Variants in LIPC observed in about 807,000 individuals in gnomAD.
The protein encoded by LIPC is lipase C, hepatic type.
In LIPC, 44 loss-of-function variants were observed where a neutral mutation model predicts 50.7. The observed-to-expected ratio is 0.87, with a 90% confidence interval of 0.68 to 1.11. LIPC has a LOEUF of 1.11. Among genes scored for constraint, LIPC ranks in the 50% most tolerant of loss-of-function variants. The pLI, the probability that LIPC is intolerant of heterozygous loss-of-function variation, is 0.00. For missense variants in LIPC, 697 were observed against 648.2 expected (o/e 1.08, Z -0.82); for synonymous variants, 271 against 256.4 (o/e 1.06, Z -0.54).
At chr15:58,508,523 G>T (rs1258766875) in intron 1 of LIPC, among the ~76,000 whole-genome samples, 1 of 152,090 alleles carries the variant, frequency 6.6e-6, no homozygotes, top group Non-Finnish European at 1.5e-5. Context: ...TTTCCTAGCT[G>T]GTTCTTTTCC....
intron 1 of LIPC, among the ~76,000 whole-genome samples, chr15:58,491,686 T>A (rs1241837811): frequency 6.6e-6 from 1 of 152,180 alleles, no homozygotes; most frequent in African/African-American, 2.4e-5. Flanking sequence ...TTTTATTCAG[T>A]GTGTGGTAAA....
In LIPC at chr15:58,486,668, G is replaced by A. The variant is rs183016521; in HGVS notation, c.89-51665G>A. On this transcript the variant is annotated intron_variant, in intron 1 of 8. Transcript: ENST00000299022. ...ATTAGAGAGGGGAGGCAACGCAGGC[G>A]GAGGACATCTACCAATGCAGCACAT... is the stretch of plus-strand genomic sequence containing the variant. 4.5e-4 allele frequency among the ~76,000 whole-genome samples: 69 copies of A among 152,280 alleles called. No homozygotes were observed. In the South Asian group the frequency reaches 9.8e-3, roughly 22 times the overall value.
chr15:58,472,270 CAAAAAA>C (rs35901617), intron 1 of LIPC, among the ~76,000 whole-genome samples: 28 of 87,640 alleles, frequency 3.2e-4, no homozygotes, highest in East Asian at 2.4e-3. Flanking sequence ...CATTTGGTCT[CAAAAAA>C]AAAAAAAAAA....
chr15:58,542,388 A>C (rs1893361551), intron 3 of LIPC, 146 bp from the exon 4 acceptor site: 2 of 734,690 alleles, frequency 2.7e-6, no homozygotes, highest in Non-Finnish European at 5.0e-6. Context: ...GCCAGTTGAG[A>C]GATTAGTTTC....
intron 1 of LIPC, among the ~76,000 whole-genome samples, chr15:58,511,922 G>A (rs1892341172): frequency 6.6e-6 from 1 of 151,920 alleles, no homozygotes; most frequent in Non-Finnish European, 1.5e-5. Context: ...TATAAAATCA[G>A]GATTCTAAAT....
At chr15:58,503,618 A>G (rs1412461732) in intron 1 of LIPC, among the ~76,000 whole-genome samples, 2 of 152,080 alleles carry the variant, frequency 1.3e-5, no homozygotes, top group African/African-American at 2.4e-5. Context: ...CAATTCACCA[A>G]CTCACTCCAG....
intron 1 of LIPC, among the ~76,000 whole-genome samples, chr15:58,459,919 G>A (rs1430858644): frequency 6.6e-6 from 1 of 152,232 alleles, no homozygotes. Flanking sequence ...AGATCAGAAC[G>A]GTAGCCAGTT....
intron 1 of LIPC, among the ~76,000 whole-genome samples, chr15:58,503,788 C>T (rs1004941732): frequency 6.6e-6 from 1 of 152,176 alleles, no homozygotes; most frequent in East Asian, 1.9e-4. Context: ...CACCTGGACA[C>T]AGCAGTGGCA....
At position 58,548,481 on chromosome 15, in the gene LIPC, CT is replaced by C. The variant is rs1437441127; in HGVS notation, c.961del (p.Cys321AlafsTer22). The C allele has an allele frequency of 6.2e-7, 1 of 1,611,124 alleles. No homozygotes were observed. Reference protein sequence around the residue: ...GLCLSCKKGRCNTLGYHVRQE... With the variant: ...GLCLSCKKGRXNTLGYHVRQE... ...TGTGCCTGAGCTGCAAGAAGGGCCG[CT>C]GCAACACGCTGGGCTACCACGTCCG... On this transcript the variant is annotated frameshift_variant, in exon 6 of 9. Coordinates refer to ENST00000299022, the MANE Select transcript of LIPC (RefSeq NM_000236.3). LOFTEE classifies it high-confidence loss of function.
chr15:58,528,510 G>A (rs533198417), intron 1 of LIPC, among the ~76,000 whole-genome samples: 9 of 152,278 alleles, frequency 5.9e-5, no homozygotes, highest in African/African-American at 1.4e-4. Context: ...TCCAGAGCTC[G>A]GTGCCTTTTT....
intron 1 of LIPC, chr15:58,533,100 C>T (rs1165652544): frequency 1.1e-6 from 1 of 928,218 alleles, no homozygotes; most frequent in African/African-American, 1.8e-5. Flanking sequence ...AATATTCCTC[C>T]TCCTAAAACC....
chr15:58,458,528 A>G lies in LIPC; in HGVS notation c.88+26408A>G, dbSNP rs192941979. ...ACATTTAGAATGACACCACCCAAAG[A>G]ATAAGTCTTACTTGAGGCTTTGCAA... On this transcript the variant is annotated intron_variant, in intron 1 of 8. Coordinates refer to ENST00000299022, the MANE Select transcript of LIPC (RefSeq NM_000236.3). Among the ~76,000 whole-genome samples the G allele has an allele frequency of 2.2e-4, 34 of 152,356 alleles. No homozygotes were observed. In the East Asian group the frequency reaches 5.8e-3, roughly 26 times the overall value.
intron 1 of LIPC, among the ~76,000 whole-genome samples, chr15:58,513,584 G>A (rs921481733): frequency 6.6e-6 from 1 of 152,168 alleles, no homozygotes; most frequent in Non-Finnish European, 1.5e-5. Flanking sequence ...AGAATCAAAG[G>A]TGATGGGAGG....
At chr15:58,554,554 CT>C (rs60984824) in intron 6 of LIPC, among the ~76,000 whole-genome samples, 142,161 of 145,796 alleles carry the variant, frequency 0.98, 69,324 homozygotes, top group South Asian at 1. Flanking sequence ...TCTTTTCTTC[CT>C]TTTTTTTTTT....
chr15:58,564,732 AAATAAT>A (rs1309635794), intron 8 of LIPC, among the ~76,000 whole-genome samples: 1 of 151,982 alleles, frequency 6.6e-6, no homozygotes, highest in African/African-American at 2.4e-5. Context: ...CCGTCTCAAA[AAATAAT>A]AATAATAATA....
intron 1 of LIPC, chr15:58,436,516 A>G: frequency 3.6e-6 from 1 of 280,036 alleles, no homozygotes; most frequent in South Asian, 3.3e-5. Flanking sequence ...TCACTGCTTT[A>G]TAACTAAAGA....
rs192462489 is a variant in LIPC at position 58,492,952 on chromosome 15, C to T, written c.89-45381C>T. On this transcript the variant is annotated intron_variant, in intron 1 of 8. Transcript: ENST00000299022. Reference sequence around the variant, plus strand: ...TCCCCCGTATGCCCCTAATTTTCTACATGCTCTTCCATTCCTGATGGATTC... The same window carrying T: ...TCCCCCGTATGCCCCTAATTTTCTATATGCTCTTCCATTCCTGATGGATTC... Among the ~76,000 whole-genome samples the T allele has an allele frequency of 9.7e-4, 148 of 152,284 alleles. 1 individual carries two copies. Among genetic ancestry groups the T allele is most frequent in the African/African-American group, 3.2e-3 (131 of 41,546 alleles).
chr15:58,555,332 C>T (rs1679697413), intron 6 of LIPC, among the ~76,000 whole-genome samples: 1 of 152,014 alleles, frequency 6.6e-6, no homozygotes, highest in African/African-American at 2.4e-5. Flanking sequence ...CAGCGATAGC[C>T]CAGGATGGAT....
intron 1 of LIPC, among the ~76,000 whole-genome samples, chr15:58,470,198 C>A (rs980693989): frequency 1.3e-5 from 2 of 152,148 alleles, no homozygotes; most frequent in Non-Finnish European, 2.9e-5. Flanking sequence ...TCCCAAAGTG[C>A]TGAGATTACA....
Sources: allele counts gnomAD v4.1 joint callset (sites outside exome capture counted in the v4.1 genomes callset), GRCh38; gene constraint gnomAD v4.1.1; transcripts MANE v1.5; gene names NCBI Gene and HGNC (gene_info 2026-07-23, HGNC 2026-07-21).